TMEM132C: variants seen among roughly 807,000 people sequenced by gnomAD.
The protein encoded by TMEM132C is protein phosphatase 1, regulatory subunit 152.
In TMEM132C, 29 loss-of-function variants were observed where a neutral mutation model predicts 61.4. That is an observed-to-expected ratio of 0.47 (90% CI 0.35 to 0.64). The LOEUF is 0.64. Ranked by LOEUF, TMEM132C falls within the 30% of genes least tolerant of loss-of-function variation. The pLI is 0.00. For synonymous variants in TMEM132C, 656 were observed against 633.1 expected, an observed-to-expected ratio of 1.04 and a Z score of -0.54; for missense variants, 1,408 against 1,476.9, an observed-to-expected ratio of 0.95 and a Z score of 0.76.
intron 3 of TMEM132C, 129 bp from the exon 4 acceptor site, chr12:128,616,022 TC>T: frequency 8.9e-7 from 1 of 1,123,858 alleles, no homozygotes; most frequent in Non-Finnish European, 1.2e-6. Context: ...TGCCCCAGGA[TC>T]CCCCACCAAA....
chr12:128,277,092 T>G (rs1445698139), intron 1 of TMEM132C, among the ~76,000 whole-genome samples: 1 of 152,230 alleles, frequency 6.6e-6, no homozygotes, highest in East Asian at 1.9e-4. Flanking sequence ...ACTGAAGCAG[T>G]TTTCCCTGTT....
chr12:128,280,957 T>G (rs1450469542), intron 1 of TMEM132C, among the ~76,000 whole-genome samples: 3 of 152,116 alleles, frequency 2.0e-5, no homozygotes, highest in Non-Finnish European at 4.4e-5. Flanking sequence ...AATGTGGGTG[T>G]TGTTACCCAC....
chr12:128,599,747 G>A (rs1348244850), intron 3 of TMEM132C, among the ~76,000 whole-genome samples: 1 of 152,180 alleles, frequency 6.6e-6, no homozygotes. Context: ...CCTTGAACAA[G>A]AGGACAGAGA....
At chr12:128,673,214 C>T (rs536501105) in intron 5 of TMEM132C, among the ~76,000 whole-genome samples, 1 of 152,274 alleles carries the variant, frequency 6.6e-6, no homozygotes, top group South Asian at 2.1e-4. Context: ...GGTAATTAGG[C>T]TTCAATGAGG....
chr12:128,405,710 C>A (rs959722402), intron 1 of TMEM132C, among the ~76,000 whole-genome samples: 1 of 152,148 alleles, frequency 6.6e-6, no homozygotes, highest in African/African-American at 2.4e-5. Context: ...TTATTTATTA[C>A]AATTTTAATT....
rs568749651 is a variant in TMEM132C, at chr12:128,521,831, T to C, written c.975-22126T>C. Among the ~76,000 whole-genome samples, 158 of 152,304 alleles carry C rather than the reference T, an allele frequency of 1.0e-3. 1 individual carries two copies. The highest frequency in any genetic ancestry group is 3.6e-3 in the African/African-American group (150 of 41,562). ...ATTTTTAAAAAATATTTAAAGTCCT[T>C]ACAAACATTTTAAATAAGAATATTG... On this transcript the variant is annotated intron_variant, in intron 2 of 8. Coordinates refer to ENST00000435159, the MANE Select transcript of TMEM132C (RefSeq NM_001136103.3).
At chr12:128,577,162 A>G (rs1875142010) in intron 3 of TMEM132C, among the ~76,000 whole-genome samples, 2 of 152,352 alleles carry the variant, frequency 1.3e-5, no homozygotes, top group South Asian at 2.1e-4. Context: ...CATTTTATGT[A>G]CATGGAATCA....
At chr12:128,499,207 G>A (rs1175580137) in intron 2 of TMEM132C, among the ~76,000 whole-genome samples, 4 of 152,164 alleles carry the variant, frequency 2.6e-5, no homozygotes, top group Non-Finnish European at 4.4e-5. Flanking sequence ...AGAATTGAAA[G>A]TCCAGAAATA....
chr12:128,408,652 C>A (rs1868401685), intron 1 of TMEM132C, among the ~76,000 whole-genome samples: 1 of 152,122 alleles, frequency 6.6e-6, no homozygotes, highest in Admixed American at 6.5e-5. Context: ...TCGGCAGGGC[C>A]TTTTGTGCAT....
chr12:128,438,441 G>A (rs1248774691), intron 2 of TMEM132C, among the ~76,000 whole-genome samples: 1 of 152,056 alleles, frequency 6.6e-6, no homozygotes, highest in Non-Finnish European at 1.5e-5. Flanking sequence ...CCTTCCACAT[G>A]CGTGGAAGCA....
intron 5 of TMEM132C, among the ~76,000 whole-genome samples, chr12:128,683,970 T>TTAATTAAA (rs1954654795): frequency 6.8e-6 from 1 of 147,470 alleles, no homozygotes. Flanking sequence ...CTGTTTGAAA[T>TTAATTAAA]TAAATAAATA....
chr12:128,517,106 C>T (rs1217814232), intron 2 of TMEM132C, among the ~76,000 whole-genome samples: 3 of 151,474 alleles, frequency 2.0e-5, no homozygotes, highest in Admixed American at 6.6e-5. Flanking sequence ...TGGCGTGTGC[C>T]TGTAATCGCA....
At chr12:128,339,994 A>G (rs956884734) in intron 1 of TMEM132C, among the ~76,000 whole-genome samples, 1 of 152,204 alleles carries the variant, frequency 6.6e-6, no homozygotes, top group African/African-American at 2.4e-5. Context: ...GACATTTTTT[A>G]AAAAAGAACA....
intron 2 of TMEM132C, among the ~76,000 whole-genome samples, chr12:128,525,734 T>C (rs916571907): frequency 3.9e-5 from 6 of 152,190 alleles, no homozygotes; most frequent in Admixed American, 6.5e-5. Flanking sequence ...TGCTCACATA[T>C]GAGCTGAGCT....
At chr12:128,272,376 G>A (rs998565107) in intron 1 of TMEM132C, among the ~76,000 whole-genome samples, 10 of 152,134 alleles carry the variant, frequency 6.6e-5, no homozygotes, top group African/African-American at 2.2e-4. Context: ...ATGCTGAATG[G>A]CATTCCATTG....
At chr12:128,532,858 G>A (rs946870696) in intron 2 of TMEM132C, among the ~76,000 whole-genome samples, 1 of 152,092 alleles carries the variant, frequency 6.6e-6, no homozygotes, top group Non-Finnish European at 1.5e-5. Context: ...CTCCCTGGAT[G>A]AGACGATGAA....
intron 5 of TMEM132C, among the ~76,000 whole-genome samples, chr12:128,677,725 C>T (rs1044594912): frequency 1.3e-5 from 2 of 152,110 alleles, no homozygotes; most frequent in African/African-American, 2.4e-5. Flanking sequence ...TAGGCACTGC[C>T]CAGGACAGGG....
Position 128,389,438 on chromosome 12 carries a change from A to G in TMEM132C, c.86-25294A>G, listed in dbSNP as rs12308525. 3.2e-3 allele frequency among the ~76,000 whole-genome samples: 488 copies of G among 152,274 alleles called. 2 individuals carry two copies. The highest frequency in any genetic ancestry group is 0.011 in the African/African-American group (471 of 41,558). ...CGGTCAGGAAGTAGGCTTCTGTCAG[A>G]GCACATCATCTTTCTCCAGAGAGCT... is the stretch of plus-strand genomic sequence containing the variant. On this transcript the variant is annotated intron_variant, in intron 1 of 8. Coordinates refer to ENST00000435159, the MANE Select transcript of TMEM132C (RefSeq NM_001136103.3).
chr12:128,548,000 C>G (rs1874020332), intron 3 of TMEM132C, among the ~76,000 whole-genome samples: 1 of 151,986 alleles, frequency 6.6e-6, no homozygotes, highest in African/African-American at 2.4e-5. Context: ...CATGACCACT[C>G]ACCCCTATTG....
Sources: gnomAD v4.1 joint callset for allele counts (sites outside exome capture counted in the v4.1 genomes callset) on GRCh38, gnomAD v4.1.1 for gene constraint, MANE v1.5 for transcripts, NCBI Gene and HGNC (gene_info 2026-07-23, HGNC 2026-07-21) for gene names.